The following HERC2 variants were observed in gnomAD, a reference collection of about 807,000 sequenced individuals.
HERC2 encodes the protein E3 ubiquitin-protein ligase HERC2.
Under a neutral mutation model 537.7 loss-of-function variants are expected in HERC2, and 102 were observed. The ratio of observed to expected loss-of-function variants is 0.19; its 90% CI spans 0.16 to 0.22. HERC2 has a LOEUF of 0.22. HERC2 is among the 10% of genes least tolerant of loss of function. The pLI, the probability that HERC2 is intolerant of heterozygous loss-of-function variation, is 1.00. For synonymous variants in HERC2, 2,224 were observed against 2,466.2 expected (o/e 0.90, Z 2.91); for missense variants, 4,236 against 6,198.2 (o/e 0.68, Z 10.63).
At position 28,254,431 on chromosome 15, in the gene HERC2, G is replaced by C. The variant is rs1316418502; in HGVS notation, c.2959C>G (p.Pro987Ala). Residue 987 changes from proline (P) to alanine (A), a missense_variant, in exon 20 of 93, where the codon CCA becomes GCA. By Grantham distance (27) the Pro-to-Ala change is conservative. Around this residue, in one of 27 missense-constraint regions of HERC2, gnomAD observed 754 missense variants for 1,085.0 expected, o/e 0.69. Coordinates refer to ENST00000261609, the MANE Select transcript of HERC2 (RefSeq NM_004667.6). The part of the protein sequence containing the change: ...NASTFHRSRT[P>A]LDKDLINTGI... ...GTATTAATAAGGTCTTTATCCAGTG[G>C]AGTCCTGCTTCTATGAAATGTTGAG... The C allele has an allele frequency of 6.2e-7, 1 of 1,608,518 alleles. No individual in the cohort carries two copies. Among genetic ancestry groups the C allele is most frequent in the Non-Finnish European group, 8.5e-7 (1 of 1,177,684 alleles).
chr15:28,219,759 G>A (rs573500911), intron 37 of HERC2, among the ~76,000 whole-genome samples: 1 of 152,310 alleles, frequency 6.6e-6, no homozygotes, highest in East Asian at 1.9e-4. Context: ...GCCATGGGGG[G>A]CACTGCGGTG....
intron 10 of HERC2, among the ~76,000 whole-genome samples, chr15:28,270,448 T>C (rs2075691646): frequency 6.6e-6 from 1 of 152,068 alleles, no homozygotes; most frequent in South Asian, 2.1e-4. Flanking sequence ...GGGAGCTCTC[T>C]GGGGCTGTGC....
chr15:28,280,774 G>GTGAC (rs1267307639), intron 4 of HERC2, among the ~76,000 whole-genome samples: 2 of 152,194 alleles, frequency 1.3e-5, no homozygotes, highest in East Asian at 3.9e-4. Context: ...GCCGAGTGTG[G>GTGAC]TGACGCACGC....
In HERC2 at chr15:28,177,456, C is replaced by T. The variant is rs1309403388; in HGVS notation, c.9217G>A (p.Glu3073Lys). ...TVDGKVFSWG[E>K]GDDGKLGHFS... is the part of the protein sequence containing the mutation. Reference sequence around the variant, plus strand: ...TGTCCAAGTTTTCCATCGTCACCTTCGCCCCACGAAAACACTTTTCCATCG... The same window carrying T: ...TGTCCAAGTTTTCCATCGTCACCTTTGCCCCACGAAAACACTTTTCCATCG... The change falls in exon 60 of 93, where the codon GAA becomes AAA. Residue 3073 changes from glutamate (E) to lysine (K), a missense_variant. Glu to Lys is a moderately conservative substitution (Grantham distance 56). This residue lies in a region of HERC2 where 606 missense variants were observed against 884.5 expected (regional missense o/e 0.69). Coordinates refer to ENST00000261609, the MANE Select transcript of HERC2 (RefSeq NM_004667.6). The surrounding 1 kb of genome is among the most constrained non-coding windows in gnomAD (Gnocchi z 5.0). 6.2e-7 allele frequency: 1 copy of T among 1,614,254 alleles called. No individual in the cohort carries two copies. The highest frequency in any genetic ancestry group is 8.5e-7 in the Non-Finnish European group (1 of 1,180,042).
At position 28,146,699 on chromosome 15, in the gene HERC2, C is replaced by T. The variant is rs1338215550; in HGVS notation, c.10901-355G>A. Among the ~76,000 whole-genome samples the T allele has an allele frequency of 5.3e-5, 8 of 150,910 alleles. No homozygotes were observed. The Middle Eastern group carries it at 0.014, about 257-fold the overall frequency. On this transcript the variant is annotated intron_variant, in intron 70 of 92. Transcript: ENST00000261609. ...AGTGTGCAGCCAAGTCAGATGGCAG[C>T]TGTGGGTCACCTGGGGAGTGAGCGG...
Position 28,142,915 on chromosome 15 carries a change from C to T in HERC2, c.11456G>A (p.Gly3819Asp). ...TGSALAALVK[G>D]LPEALQRQFE... ...CTGCCTTTGCAAAGCTTCTGGAAGA[C>T]CTTTCACCAAAGCAGCAAGAGCACT... Residue 3819 changes from glycine (G) to aspartate (D), a missense_variant, in exon 75 of 93, where the codon GGT becomes GAT. Gly to Asp is a moderately conservative substitution (Grantham distance 94, BLOSUM62 -1). Around this residue, in one of 27 missense-constraint regions of HERC2, gnomAD observed 23 missense variants for 60.0 expected, o/e 0.38. Coordinates refer to ENST00000261609, the MANE Select transcript of HERC2 (RefSeq NM_004667.6). 1 of 1,604,564 alleles carries T rather than the reference C, an allele frequency of 6.2e-7. No individual in the cohort carries two copies. Among genetic ancestry groups the T allele is most frequent in the African/African-American group, 1.3e-5 (1 of 74,690 alleles).
Position 28,217,346 on chromosome 15 carries a change from CAACCACAT to C in HERC2, c.6028+1135_6028+1142del, listed in dbSNP as rs550943953. Among the ~76,000 whole-genome samples the C allele has an allele frequency of 2.2e-3, 339 of 152,294 alleles. 1 individual carries two copies. Among genetic ancestry groups the C allele is most frequent in the Admixed American group, 5.6e-3 (85 of 15,298 alleles). On this transcript the variant is annotated intron_variant, in intron 38 of 92. Transcript: ENST00000261609. ...ATGCTCTCATGGACACACACCCACACAACCACATGCTACCAACACACCATCACACTTGC... is the reference window on the plus strand; with the variant it reads ...ATGCTCTCATGGACACACACCCACACGCTACCAACACACCATCACACTTGC...
At chr15:28,179,067 CACA>C in intron 58 of HERC2, 37 bp from the exon 59 acceptor site, 1 of 1,608,716 alleles carries the variant, frequency 6.2e-7, no homozygotes. Context: ...ACTCTCTTTT[CACA>C]ACATTAAAAA....
chr15:28,280,074 T>C lies in HERC2; in HGVS notation c.536A>G (p.Lys179Arg). Residue 179 changes from lysine to arginine, a missense_variant, in exon 5 of 93, where the codon AAA (lysine) becomes AGA (arginine). Lys to Arg is a conservative substitution (Grantham distance 26). This residue lies in a region of HERC2 where 491 missense variants were observed against 559.3 expected (regional missense o/e 0.88). Transcript: ENST00000261609. Reference sequence around the variant, plus strand: ...TTCTTCGCTTTATTGTTACCTTTTTTTGTCCACAGGAGGCAGAGAAATACC... The same window carrying C: ...TTCTTCGCTTTATTGTTACCTTTTTCTGTCCACAGGAGGCAGAGAAATACC... ...SSGISLPPVD[K>R]KSSRPAGKGV... is the part of the protein sequence containing the mutation. The C allele has an allele frequency of 6.2e-7, 1 of 1,610,742 alleles. No homozygotes were observed. Among genetic ancestry groups the C allele is most frequent in the South Asian group, 1.1e-5 (1 of 90,338 alleles).
chr15:28,163,315 T>G, intron 68 of HERC2, 30 bp from the exon 69 acceptor site: 1 of 1,593,750 alleles, frequency 6.3e-7, no homozygotes, highest in Non-Finnish European at 8.6e-7. Context: ...ACAATTAACA[T>G]GAGGAATGAT....
At chr15:28,155,105 T>A (rs1409438470) in intron 69 of HERC2, among the ~76,000 whole-genome samples, 1 of 152,126 alleles carries the variant, frequency 6.6e-6, no homozygotes, top group African/African-American at 2.4e-5. Flanking sequence ...TCATCCTTTT[T>A]TATGGCTGCA....
At chr15:28,287,719 C>CTTTTTTTT (rs766216433) in intron 4 of HERC2, among the ~76,000 whole-genome samples, 4 of 124,822 alleles carry the variant, frequency 3.2e-5, no homozygotes, top group African/African-American at 6.8e-5. Context: ...ACTTATTCCT[C>CTTTTTTTT]TTTTTTTTTT....
At chr15:28,133,026 C>T (rs563123000) in intron 79 of HERC2, among the ~76,000 whole-genome samples, 196 bp from the exon 80 acceptor site, 1 of 152,190 alleles carries the variant, frequency 6.6e-6, no homozygotes, top group African/African-American at 2.4e-5. Context: ...CACGGCTTCC[C>T]CAGCTCTGAC....
intron 2 of HERC2, among the ~76,000 whole-genome samples, chr15:28,309,477 A>C (rs2428642): frequency 6.6e-6 from 1 of 152,178 alleles, no homozygotes; most frequent in Non-Finnish European, 1.5e-5. Context: ...TGATATAACC[A>C]CTATGCTCTT....
In HERC2 at chr15:28,265,045, T is replaced by C. The variant is rs1012110110; in HGVS notation, c.1870+573A>G. Among the ~76,000 whole-genome samples the C allele has an allele frequency of 6.6e-6, 1 of 152,150 alleles. No homozygotes were observed. Among genetic ancestry groups the C allele is most frequent in the African/African-American group, 2.4e-5 (1 of 41,426 alleles). ...GAGAAAGCAAGCTGACAGGTACCCC[T>C]GCTGATTATAACGGAAAGACTCCAC... On this transcript the variant is annotated intron_variant, in intron 14 of 92. Coordinates refer to ENST00000261609, the MANE Select transcript of HERC2 (RefSeq NM_004667.6). The surrounding 1 kb of genome is among the most constrained non-coding windows in gnomAD (Gnocchi z 4.0).
chr15:28,288,303 A>G (rs1229896319), intron 4 of HERC2, among the ~76,000 whole-genome samples: 1 of 151,866 alleles, frequency 6.6e-6, no homozygotes. Flanking sequence ...AGGTGGGTGG[A>G]TCACCTGAGG....
chr15:28,238,547 C>CT, intron 24 of HERC2, 55 bp downstream of exon 24: 1 of 1,440,198 alleles, frequency 6.9e-7, no homozygotes, highest in Non-Finnish European at 9.7e-7. Context: ...AAATACTCTG[C>CT]TTAAAATGAT....
At chr15:28,286,879 C>A (rs1237647050) in intron 4 of HERC2, among the ~76,000 whole-genome samples, 3 of 152,132 alleles carry the variant, frequency 2.0e-5, no homozygotes, top group Non-Finnish European at 2.9e-5. Flanking sequence ...TGAGGGCCTA[C>A]ACGCTGCAAT....
At chr15:28,215,563 G>C (rs1370640121) in intron 39 of HERC2, 58 bp downstream of exon 39, 8 of 1,450,020 alleles carry the variant, frequency 5.5e-6, no homozygotes, top group Non-Finnish European at 7.6e-6. Flanking sequence ...TGAAGGCAGG[G>C]AACTTCAGTA....
Sources: gnomAD v4.1 joint callset for allele counts (sites outside exome capture counted in the v4.1 genomes callset) on GRCh38, gnomAD v4.1.1 for gene constraint, gnomAD v4.1.1 regional missense constraint, Gnocchi (gnomAD v3.1) non-coding constraint, MANE v1.5 for transcripts, NCBI Gene and HGNC (gene_info 2026-07-23, HGNC 2026-07-21) for gene names.